The following IGF1R variants were observed in gnomAD, a reference collection of about 807,000 sequenced individuals.
IGF1R encodes insulin-like growth factor 1 receptor.
A neutral mutation model predicts 144.6 loss-of-function variants in IGF1R; 44 were observed. The ratio of observed to expected loss-of-function variants is 0.30; its 90% CI spans 0.24 to 0.39. The LOEUF (loss-of-function observed/expected upper bound fraction) is 0.39, where lower values mean the gene tolerates loss of function less well. IGF1R is among the 10% of genes least tolerant of loss of function. The pLI, the probability that IGF1R is intolerant of heterozygous loss-of-function variation, is 1.00. For synonymous variants in IGF1R, 795 were observed against 722.8 expected, an observed-to-expected ratio of 1.10 and a Z score of -1.60; for missense variants, 1,355 against 1,833.7, an observed-to-expected ratio of 0.74 and a Z score of 4.77.
intron 1 of IGF1R, among the ~76,000 whole-genome samples, chr15:98,676,968 C>T (rs139218413): frequency 7.8e-4 from 118 of 152,016 alleles, no homozygotes; most frequent in African/African-American, 2.6e-3. Context: ...CAGGGTCTCG[C>T]TCCGTTACCC....
At position 98,837,539 on chromosome 15, in the gene IGF1R, T is replaced by A. The variant is rs544080151; in HGVS notation, c.641-53786T>A. Reference sequence around the variant, plus strand: ...GCTACCATGCCTGGCCTTCACCAATTTTTAAATTTTTTGTAGAAACTCACT... The same window carrying A: ...GCTACCATGCCTGGCCTTCACCAATATTTAAATTTTTTGTAGAAACTCACT... On this transcript the variant is annotated intron_variant, in intron 2 of 20. Coordinates refer to ENST00000650285, the MANE Select transcript of IGF1R (RefSeq NM_000875.5). Among the ~76,000 whole-genome samples the A allele has an allele frequency of 3.5e-3, 534 of 152,164 alleles. 4 individuals are homozygous for A. The highest frequency in any genetic ancestry group is 0.011 in the African/African-American group (467 of 41,494).
intron 2 of IGF1R, among the ~76,000 whole-genome samples, chr15:98,740,124 A>C (rs986902027): frequency 6.6e-6 from 1 of 152,216 alleles, no homozygotes; most frequent in African/African-American, 2.4e-5. Context: ...TCCATTATTT[A>C]CTTCGGAAAA....
intron 14 of IGF1R, 151 bp from the exon 15 acceptor site, chr15:98,930,084 G>A (rs1044426641): frequency 4.3e-6 from 3 of 697,554 alleles, no homozygotes; most frequent in Non-Finnish European, 7.8e-6. Context: ...TGGGAGTGTA[G>A]ACAAGAGCTG....
chr15:98,721,348 T>C (rs1485222905), intron 2 of IGF1R, among the ~76,000 whole-genome samples: 1 of 152,252 alleles, frequency 6.6e-6, no homozygotes, highest in Non-Finnish European at 1.5e-5. Context: ...AAACCACTTG[T>C]GGGTTAGGAC....
chr15:98,755,161 T>A (rs547596065), intron 2 of IGF1R, among the ~76,000 whole-genome samples: 13 of 152,300 alleles, frequency 8.5e-5, no homozygotes, highest in African/African-American at 3.1e-4. Context: ...AAAAATGAGA[T>A]CATGCTATTA....
chr15:98,828,308 G>T (rs1378209297), intron 2 of IGF1R, among the ~76,000 whole-genome samples: 2 of 152,082 alleles, frequency 1.3e-5, no homozygotes, highest in Admixed American at 6.5e-5. Flanking sequence ...AGTTAGTTCA[G>T]CTCCAGCCAA....
chr15:98,953,339 G>T (rs2016851739), intron 20 of IGF1R, among the ~76,000 whole-genome samples: 1 of 152,206 alleles, frequency 6.6e-6, no homozygotes, highest in Non-Finnish European at 1.5e-5. Context: ...GACTCAGTGT[G>T]AATTAACTTA....
At chr15:98,889,041 G>A (rs2013780950) in intron 2 of IGF1R, among the ~76,000 whole-genome samples, 2 of 152,184 alleles carry the variant, frequency 1.3e-5, no homozygotes, top group Admixed American at 6.5e-5. Flanking sequence ...CAGTCACAAC[G>A]TTTGTTTATA....
At chr15:98,797,438 T>C (rs182347082) in intron 2 of IGF1R, among the ~76,000 whole-genome samples, 135 of 152,344 alleles carry the variant, frequency 8.9e-4, no homozygotes, top group African/African-American at 3.0e-3. Flanking sequence ...GTGACAGATG[T>C]TGGGCTGTTA....
chr15:98,831,923 C>T (rs1291912273), intron 2 of IGF1R, among the ~76,000 whole-genome samples: 1 of 152,000 alleles, frequency 6.6e-6, no homozygotes, highest in Non-Finnish European at 1.5e-5. Context: ...GATCTGGTTT[C>T]TAGGTGGGTA....
chr15:98,828,424 G>A (rs1483610756), intron 2 of IGF1R, among the ~76,000 whole-genome samples: 1 of 152,168 alleles, frequency 6.6e-6, no homozygotes, highest in African/African-American at 2.4e-5. Flanking sequence ...TGACTGCACA[G>A]AGAGGTAGGG....
At chr15:98,729,596 C>T (rs1228195081) in intron 2 of IGF1R, among the ~76,000 whole-genome samples, 1 of 148,496 alleles carries the variant, frequency 6.7e-6, no homozygotes, top group Non-Finnish European at 1.5e-5. Flanking sequence ...CTTTCCACAT[C>T]TCATTGTCCT....
Position 98,929,587 on chromosome 15 carries a change from A to G in IGF1R, c.2812A>G (p.Ile938Val). 1 of 1,614,164 alleles carries G rather than the reference A, an allele frequency of 6.2e-7. No individual in the cohort carries two copies. The highest frequency in any genetic ancestry group is 8.5e-7 in the Non-Finnish European group (1 of 1,180,006). ...ATATGAAAACTTCATCCATCTGATC[A>G]TCGCTCTGCCCGTCGCTGTCCTGTT... ...TGYENFIHLIIALPVAVLLIV... is the reference protein window; with the variant it reads ...TGYENFIHLIVALPVAVLLIV... Residue 938 changes from isoleucine (I) to valine (V), a missense_variant, in exon 14 of 21, where the codon ATC becomes GTC. Physicochemically the swap from Ile to Val is conservative, Grantham distance 29. This residue lies in a region of IGF1R where 880 missense variants were observed against 1,202.7 expected (regional missense o/e 0.73). Transcript: ENST00000650285.
intron 10 of IGF1R, 70 bp downstream of exon 10, chr15:98,916,946 C>A (rs764124963): frequency 1.5e-6 from 2 of 1,346,600 alleles, no homozygotes; most frequent in Admixed American, 1.7e-5. Context: ...CCTTTCTCCC[C>A]ACCAGGTAGT....
chr15:98,857,184 A>C (rs1263882716), intron 2 of IGF1R, among the ~76,000 whole-genome samples: 1 of 152,170 alleles, frequency 6.6e-6, no homozygotes, highest in Non-Finnish European at 1.5e-5. Flanking sequence ...GTGACCCCAC[A>C]ATTAAACTGT....
At chr15:98,679,003 C>T (rs574870085) in intron 1 of IGF1R, among the ~76,000 whole-genome samples, 1 of 150,832 alleles carries the variant, frequency 6.6e-6, no homozygotes, top group South Asian at 2.1e-4. Flanking sequence ...CTCACTGTAG[C>T]CCCAGCCCAC....
chr15:98,651,071 AG>A, intron 1 of IGF1R: 1 of 985,326 alleles, frequency 1.0e-6, no homozygotes, highest in Non-Finnish European at 1.2e-6. Context: ...GGGAACGGTG[AG>A]GGCGTGTTGG....
At chr15:98,861,044 C>T (rs1555453977) in intron 2 of IGF1R, among the ~76,000 whole-genome samples, 2 of 151,740 alleles carry the variant, frequency 1.3e-5, no homozygotes, top group Admixed American at 6.6e-5. Context: ...TCCCTCCCTC[C>T]ATCTATGTCT....
intron 2 of IGF1R, among the ~76,000 whole-genome samples, chr15:98,796,872 C>T (rs1397457299): frequency 1.3e-5 from 2 of 152,232 alleles, no homozygotes; most frequent in African/African-American, 4.8e-5. Context: ...TTGCTGAATG[C>T]ATGTTCACAC....
Sources: allele counts gnomAD v4.1 joint callset (sites outside exome capture counted in the v4.1 genomes callset), GRCh38; gene constraint gnomAD v4.1.1; regional missense constraint gnomAD v4.1.1; transcripts MANE v1.5; gene names NCBI Gene and HGNC (gene_info 2026-07-23, HGNC 2026-07-21).